Variants in ADAMTS19 observed in about 807,000 individuals in gnomAD.
The protein encoded by ADAMTS19 is ADAM metallopeptidase with thrombospondin type 1 motif 19, also known as A disintegrin and metalloproteinase with thrombospondin motifs 19.
In ADAMTS19, 93 loss-of-function variants were observed where a neutral mutation model predicts 153.3. That is an observed-to-expected ratio of 0.61 (90% CI 0.51 to 0.72). ADAMTS19 has a LOEUF of 0.72. Ranked by LOEUF, ADAMTS19 falls within the 30% of genes least tolerant of loss-of-function variation. The pLI is 0.00. For missense variants in ADAMTS19, 1,482 were observed against 1,552.1 expected, an observed-to-expected ratio of 0.95 and a Z score of 0.76; for synonymous variants, 600 against 556.6, an observed-to-expected ratio of 1.08 and a Z score of -1.10.
At chr5:129,670,460 T>C (rs1754252761) in intron 16 of ADAMTS19, among the ~76,000 whole-genome samples, 1 of 152,162 alleles carries the variant, frequency 6.6e-6, no homozygotes, top group African/African-American at 2.4e-5. Flanking sequence ...GTTTTTAAAA[T>C]CTGGTAATAG....
At chr5:129,526,819 T>G (rs7721297) in intron 4 of ADAMTS19, among the ~76,000 whole-genome samples, 45,181 of 151,510 alleles carry the variant, frequency 0.3, 9,777 homozygotes, top group African/African-American at 0.61. Context: ...TATTTATTTT[T>G]TTGGTACATA....
At chr5:129,535,970 C>A (rs1752405061) in intron 6 of ADAMTS19, among the ~76,000 whole-genome samples, 1 of 152,156 alleles carries the variant, frequency 6.6e-6, no homozygotes, top group African/African-American at 2.4e-5. Flanking sequence ...TAGAAGAACA[C>A]CTAGGCAATA....
intron 13 of ADAMTS19, among the ~76,000 whole-genome samples, chr5:129,651,327 C>T (rs1023551500): frequency 6.6e-6 from 1 of 152,164 alleles, no homozygotes; most frequent in African/African-American, 2.4e-5. Context: ...CCTTCCTATT[C>T]ATGTCCATTT....
chr5:129,535,665 T>A (rs1266160733), intron 6 of ADAMTS19, among the ~76,000 whole-genome samples: 6 of 152,094 alleles, frequency 3.9e-5, no homozygotes, highest in Non-Finnish European at 8.8e-5. Context: ...CAAACTATAC[T>A]ACAAGGCTAC....
intron 2 of ADAMTS19, among the ~76,000 whole-genome samples, chr5:129,467,611 G>C (rs1342267461): frequency 6.6e-6 from 1 of 152,188 alleles, no homozygotes; most frequent in East Asian, 1.9e-4. Context: ...TTAGAGGATT[G>C]AATCAGTAAT....
intron 2 of ADAMTS19, among the ~76,000 whole-genome samples, chr5:129,507,845 G>A (rs1205769483): frequency 6.6e-6 from 1 of 151,870 alleles, no homozygotes; most frequent in African/African-American, 2.4e-5. Flanking sequence ...ATTTTTTAGT[G>A]ATAAAACTCA....
At chr5:129,540,752 T>G (rs73787569) in intron 6 of ADAMTS19, among the ~76,000 whole-genome samples, 6,164 of 152,142 alleles carry the variant, frequency 0.041, 390 homozygotes, top group African/African-American at 0.14. Flanking sequence ...CTCAGATGCA[T>G]CTTCATTCTT....
intron 16 of ADAMTS19, among the ~76,000 whole-genome samples, chr5:129,667,164 C>T (rs1754090602): frequency 6.6e-6 from 1 of 152,122 alleles, no homozygotes. Flanking sequence ...TTGACTTCTC[C>T]TCATTTCATT....
chr5:129,495,514 A>T (rs1013062052), intron 2 of ADAMTS19, among the ~76,000 whole-genome samples: 1 of 152,124 alleles, frequency 6.6e-6, no homozygotes, highest in African/African-American at 2.4e-5. Context: ...AACTCAGGGT[A>T]TATAGTTATG....
intron 6 of ADAMTS19, among the ~76,000 whole-genome samples, chr5:129,529,203 GCAA>G (rs2126769857): frequency 6.6e-6 from 1 of 152,134 alleles, no homozygotes; most frequent in African/African-American, 2.4e-5. Context: ...GAAATAATGA[GCAA>G]CAATATGCTC....
At chr5:129,647,732 A>C (rs199575499) in intron 11 of ADAMTS19, 33 bp from the exon 12 acceptor site, 1 of 1,607,094 alleles carries the variant, frequency 6.2e-7, no homozygotes. Flanking sequence ...TTGTGCCCTG[A>C]TTTGTTCACC....
At chr5:129,477,829 C>G (rs566525581) in intron 2 of ADAMTS19, among the ~76,000 whole-genome samples, 1 of 152,266 alleles carries the variant, frequency 6.6e-6, no homozygotes, top group South Asian at 2.1e-4. Flanking sequence ...ACATCAGACT[C>G]TATACTGGAA....
At chr5:129,611,579 G>A (rs6883503) in intron 8 of ADAMTS19, among the ~76,000 whole-genome samples, 13,463 of 152,052 alleles carry the variant, frequency 0.089, 682 homozygotes, top group African/African-American at 0.11. Context: ...TGTCAGATTT[G>A]TCAAAGATCA....
intron 19 of ADAMTS19, among the ~76,000 whole-genome samples, chr5:129,696,381 C>A (rs1022186454): frequency 3.3e-5 from 5 of 152,150 alleles, no homozygotes; most frequent in Non-Finnish European, 5.9e-5. Flanking sequence ...CATGCCATTG[C>A]ACTCCTGGGA....
chr5:129,614,350 C>T (rs1164067865), intron 8 of ADAMTS19, among the ~76,000 whole-genome samples: 1 of 152,138 alleles, frequency 6.6e-6, no homozygotes, highest in Admixed American at 6.6e-5. Flanking sequence ...ATCAAGTGGG[C>T]TTCATCCCTG....
Position 129,545,062 on chromosome 5 carries a change from A to C in ADAMTS19, c.1329-6802A>C, listed in dbSNP as rs1752805027. Among the ~76,000 whole-genome samples, 7 of 152,144 alleles carry C rather than the reference A, an allele frequency of 4.6e-5. No individual in the cohort carries two copies. In the South Asian group the frequency reaches 1.4e-3, roughly 31 times the overall value. On this transcript the variant is annotated intron_variant, in intron 6 of 22. Transcript: ENST00000274487. ...ATTCCAAAATGACCAATGATAACAT[A>C]TTCCATTGTAAGAACCCAGAGGCAT...
intron 21 of ADAMTS19, among the ~76,000 whole-genome samples, chr5:129,720,314 G>T (rs1335100146): frequency 6.6e-6 from 1 of 151,668 alleles, no homozygotes; most frequent in African/African-American, 2.4e-5. Flanking sequence ...TAGGATTAAA[G>T]GTGTCCGCCA....
chr5:129,462,941 C>G (rs1189345928), intron 2 of ADAMTS19, among the ~76,000 whole-genome samples: 1 of 152,030 alleles, frequency 6.6e-6, no homozygotes, highest in African/African-American at 2.4e-5. Flanking sequence ...CAAAGCCACC[C>G]AAAACTACCA....
chr5:129,593,099 G>C (rs1436800211), intron 7 of ADAMTS19, among the ~76,000 whole-genome samples: 1 of 152,016 alleles, frequency 6.6e-6, no homozygotes, highest in Non-Finnish European at 1.5e-5. Flanking sequence ...AATTCCAAGA[G>C]AGGCCCCTGT....
Sources: gnomAD v4.1 joint callset for allele counts (sites outside exome capture counted in the v4.1 genomes callset) on GRCh38, gnomAD v4.1.1 for gene constraint, MANE v1.5 for transcripts, NCBI Gene and HGNC (gene_info 2026-07-23, HGNC 2026-07-21) for gene names.